PPP2R5E: variants seen among roughly 807,000 people sequenced by gnomAD.
PPP2R5E encodes the protein serine/threonine-protein phosphatase 2A 56 kDa regulatory subunit epsilon isoform.
A neutral mutation model predicts 65.3 loss-of-function variants in PPP2R5E; 4 were observed. The observed-to-expected ratio is 0.06, with a 90% CI of 0.03 to 0.14. PPP2R5E has a LOEUF of 0.14. Among genes scored for constraint, PPP2R5E ranks in the 10% least tolerant of loss-of-function variants. The pLI, the probability that PPP2R5E is intolerant of heterozygous loss-of-function variation, is 1.00. For synonymous variants in PPP2R5E, 183 were observed against 187.4 expected (o/e 0.98, Z 0.19); for missense variants, 274 against 556.1 (o/e 0.49, Z 5.10).
chr14:63,404,886 T>C (rs1202294929), intron 5 of PPP2R5E, among the ~76,000 whole-genome samples: 1 of 152,210 alleles, frequency 6.6e-6, no homozygotes, highest in Non-Finnish European at 1.5e-5. Flanking sequence ...TGCTAAATAA[T>C]GATGCACTTA....
intron 4 of PPP2R5E, among the ~76,000 whole-genome samples, chr14:63,418,271 C>T (rs1034934145): frequency 6.6e-6 from 1 of 152,150 alleles, no homozygotes; most frequent in African/African-American, 2.4e-5. Context: ...CTTTCGATTG[C>T]CACAAAGAGG....
Position 63,371,742 on chromosome 14 carries a change from A to C in PPP2R5E, c.*4267T>G, listed in dbSNP as rs1002779862. ...CTCACAAAGAGATGCTGTTTAAAAA[A>C]ACACACACACAGCTAAATTTAAAAC... On this transcript the variant is annotated 3_prime_UTR_variant, in exon 14 of 14. Coordinates refer to ENST00000337537, the MANE Select transcript of PPP2R5E (RefSeq NM_006246.5). 2 of 152,174 alleles carry C rather than the reference A, an allele frequency of 1.3e-5. No homozygotes were observed. The highest frequency in any genetic ancestry group is 2.9e-5 in the Non-Finnish European group (2 of 68,024). 9.4% of individuals were successfully genotyped at this position (152,174 alleles called of 1,614,324 possible). A position where few individuals can be genotyped will look rare whatever the true frequency, so the allele number is the denominator to read the frequency against.
intron 3 of PPP2R5E, among the ~76,000 whole-genome samples, chr14:63,428,809 C>T (rs1887475968): frequency 6.6e-6 from 1 of 152,088 alleles, no homozygotes; most frequent in Admixed American, 6.5e-5. Context: ...CAAAATACAA[C>T]TGTTATATTT....
At chr14:63,479,466 C>T (rs1265858433) in intron 2 of PPP2R5E, 1 of 152,182 alleles carries the variant, frequency 6.6e-6, no homozygotes, top group Non-Finnish European at 1.5e-5. Context: ...CAGGTGAAAG[C>T]TTCACCTGCC....
At chr14:63,402,560 T>C (rs967652811) in intron 5 of PPP2R5E, among the ~76,000 whole-genome samples, 2 of 152,180 alleles carry the variant, frequency 1.3e-5, no homozygotes, top group Non-Finnish European at 2.9e-5. Context: ...TAAACAAATA[T>C]GCTGGATCCT....
chr14:63,522,906 G>A (rs1256992794), intron 2 of PPP2R5E, among the ~76,000 whole-genome samples: 1 of 147,906 alleles, frequency 6.8e-6, no homozygotes, highest in Non-Finnish European at 1.5e-5. Context: ...CCGGGAGGGA[G>A]GTCGGGGGGT....
At chr14:63,443,536 C>T (rs1322850777) in intron 3 of PPP2R5E, among the ~76,000 whole-genome samples, 4 of 152,108 alleles carry the variant, frequency 2.6e-5, no homozygotes, top group Non-Finnish European at 5.9e-5. Context: ...ACTCTTCAAC[C>T]CACTAGCTCC....
chr14:63,399,253 C>A (rs921706904), intron 5 of PPP2R5E, among the ~76,000 whole-genome samples: 5 of 151,046 alleles, frequency 3.3e-5, no homozygotes, highest in Non-Finnish European at 7.4e-5. Context: ...AGAAACCAGA[C>A]ACAGAAGGCC....
intron 2 of PPP2R5E, among the ~76,000 whole-genome samples, chr14:63,494,632 T>C (rs1164781989): frequency 2.0e-5 from 3 of 152,012 alleles, no homozygotes; most frequent in East Asian, 1.9e-4. Flanking sequence ...TGGTGGATCA[T>C]GCCTGTAATC....
intron 2 of PPP2R5E, among the ~76,000 whole-genome samples, chr14:63,479,879 G>T (rs1392809020): frequency 2.0e-5 from 3 of 152,164 alleles, no homozygotes; most frequent in African/African-American, 7.2e-5. Context: ...CAACCTAAAA[G>T]AATGCCTTAT....
intron 2 of PPP2R5E, among the ~76,000 whole-genome samples, chr14:63,462,839 A>G (rs1889556602): frequency 6.6e-6 from 1 of 152,216 alleles, no homozygotes. Flanking sequence ...ACAGTGGCTC[A>G]TGCCTGTAAT....
intron 2 of PPP2R5E, among the ~76,000 whole-genome samples, chr14:63,466,103 G>C (rs61983965): frequency 0.049 from 7,503 of 152,098 alleles, 256 homozygotes; most frequent in Non-Finnish European, 0.072. Flanking sequence ...TTCTAAAGGG[G>C]ATAAAATGGC....
chr14:63,470,133 AC>A (rs1890042570), intron 2 of PPP2R5E, among the ~76,000 whole-genome samples: 1 of 152,160 alleles, frequency 6.6e-6, no homozygotes, highest in South Asian at 2.1e-4. Flanking sequence ...GTGCAGTGGC[AC>A]AGTCACAGCA....
Position 63,391,831 on chromosome 14 carries a change from A to T in PPP2R5E, c.940T>A (p.Cys314Ser). Residue 314 changes from cysteine to serine, a missense_variant, in exon 10 of 14, where the codon TGT (cysteine) becomes AGT (serine). Transcript: ENST00000337537. ...TAAGCACTTACCTCTTTTTGACTAC[A>T]TGTTTTAGGCCAAAATTTCATTAAC... ...RGLMKFWPKT[C>S]SQKEVMFLGE... 1 of 1,613,462 alleles carries T rather than the reference A, an allele frequency of 6.2e-7. No individual in the cohort carries two copies. The highest frequency in any genetic ancestry group is 1.1e-5 in the South Asian group (1 of 91,064).
chr14:63,440,280 A>C (rs1445792832), intron 3 of PPP2R5E, among the ~76,000 whole-genome samples: 2 of 152,066 alleles, frequency 1.3e-5, no homozygotes, highest in Non-Finnish European at 2.9e-5. Context: ...CCAGACTGGG[A>C]ATAAGTGGTA....
intron 5 of PPP2R5E, among the ~76,000 whole-genome samples, chr14:63,405,189 A>G (rs994660356): frequency 2.0e-5 from 3 of 152,202 alleles, no homozygotes; most frequent in Non-Finnish European, 4.4e-5. Flanking sequence ...GGCAATGGCT[A>G]TCTCATAAAA....
chr14:63,432,200 A>AT (rs1887711884), intron 3 of PPP2R5E, among the ~76,000 whole-genome samples: 1 of 152,212 alleles, frequency 6.6e-6, no homozygotes, highest in Non-Finnish European at 1.5e-5. Context: ...TGCATCAAGT[A>AT]TTTATTTTTT....
chr14:63,444,808 A>G (rs558153481), intron 3 of PPP2R5E, among the ~76,000 whole-genome samples: 1 of 152,342 alleles, frequency 6.6e-6, no homozygotes, highest in South Asian at 2.1e-4. Flanking sequence ...CTGACACTTG[A>G]GATGATGTGA....
intron 2 of PPP2R5E, among the ~76,000 whole-genome samples, chr14:63,465,284 C>CA (rs1191482308): frequency 6.6e-6 from 1 of 151,782 alleles, no homozygotes; most frequent in Non-Finnish European, 1.5e-5. Context: ...TAGTTTTAAA[C>CA]AATTTTTTAA....
Sources: gnomAD v4.1 joint callset for allele counts (sites outside exome capture counted in the v4.1 genomes callset) on GRCh38, gnomAD v4.1.1 for gene constraint, MANE v1.5 for transcripts, NCBI Gene and HGNC (gene_info 2026-07-23, HGNC 2026-07-21) for gene names.